The following PPP6R1 variants were observed in gnomAD, a reference collection of about 807,000 sequenced individuals.
The protein encoded by PPP6R1 is serine/threonine-protein phosphatase 6 regulatory subunit 1.
A neutral mutation model predicts 104.6 loss-of-function variants in PPP6R1; 39 were observed. That is an observed-to-expected ratio of 0.37 (90% CI 0.29 to 0.49). The LOEUF (loss-of-function observed/expected upper bound fraction) is 0.49. Ranked by LOEUF, PPP6R1 falls within the 20% of genes least tolerant of loss-of-function variation. The probability of loss-of-function intolerance (pLI) is 0.98; values close to 1 mark genes in which losing one functional copy is unlikely to be tolerated. For synonymous variants in PPP6R1, 549 were observed against 479.0 expected (o/e 1.15, Z -1.91); for missense variants, 1,181 against 1,155.8 (o/e 1.02, Z -0.32).
At chr19:55,243,310 G>A (rs1348521249) in intron 5 of PPP6R1, among the ~76,000 whole-genome samples, 1 of 151,718 alleles carries the variant, frequency 6.6e-6, no homozygotes, top group Non-Finnish European at 1.5e-5. Flanking sequence ...CTACTCGGGA[G>A]GCTGAGGCAG....
At chr19:55,256,608 G>A (rs568190830) in intron 1 of PPP6R1, among the ~76,000 whole-genome samples, 1 of 152,346 alleles carries the variant, frequency 6.6e-6, no homozygotes, top group East Asian at 1.9e-4. Flanking sequence ...CCACGAGTTT[G>A]AAATCAGCCT....
At position 55,245,274 on chromosome 19, in the gene PPP6R1, A is replaced by G. The variant is rs2122663489; in HGVS notation, c.543T>C (p.Asp181=). ...AGCCGGCCCTGCTCACATTGACAAC[A>G]TCCTGCCTCAGCTGAGGCCGCTCCA... is the stretch of plus-strand genomic sequence containing the variant. The part of the protein sequence containing the change: ...TCVERPQLRQ[D]VVNWLNEEKI... Residue 181 remains aspartate, a synonymous_variant, in exon 4 of 24, where the codon GAT becomes GAC. Coordinates refer to ENST00000412770, the MANE Select transcript of PPP6R1 (RefSeq NM_014931.4). The surrounding 1 kb of genome is among the most constrained non-coding windows in gnomAD (Gnocchi z 6.4). The G allele has an allele frequency of 2.5e-6, 4 of 1,597,592 alleles. No homozygotes were observed. The highest frequency in any genetic ancestry group is 1.1e-5 in the South Asian group (1 of 89,012).
chr19:55,231,241 A>T (rs74609066), intron 21 of PPP6R1, among the ~76,000 whole-genome samples, 169 bp downstream of exon 21: 3,898 of 152,264 alleles, frequency 0.026, 100 homozygotes, highest in African/African-American at 0.062. Context: ...TACTAAGAGA[A>T]GAACCAGCCT....
Position 55,245,018 on chromosome 19 carries a change from G to GT in PPP6R1, c.618+101dup. On this transcript the variant is annotated intron_variant, in intron 5 of 23. Coordinates refer to ENST00000412770, the MANE Select transcript of PPP6R1 (RefSeq NM_014931.4). This position sits in a 1 kb window ranked among gnomAD's most constrained non-coding sequence, Gnocchi z 6.4. ...CTCCCAAAGTGCTGGAATTACAGGC[G>GT]TGAGCCACTGCGTCCAGCCCCAATT... The GT allele has an allele frequency of 5.3e-6, 8 of 1,501,054 alleles. No homozygotes were observed. The South Asian group carries it at 7.2e-5, about 14-fold the overall frequency. The allele number at this position is 1,501,054 out of a possible 1,614,324, so 93.0% of individuals were successfully genotyped here. A position where few individuals can be genotyped will look rare whatever the true frequency, so the allele number is the denominator to read the frequency against.
rs1312818511 is a variant in PPP6R1, at chr19:55,246,921, G to A, written c.183C>T (p.Val61=). Residue 61 remains valine, a synonymous_variant, in exon 2 of 24, where the codon GTC becomes GTT. Transcript: ENST00000412770. ...CACCGCTATCTGGCGGCTCCTGGGT[G>A]ACCCAGGCCACCATTGCTTGCAGGT... The part of the protein sequence containing the change: ...PPHLQAMVAW[V]TQEPPDSGEE... 6.2e-7 allele frequency: 1 copy of A among 1,613,324 alleles called. No individual in the cohort carries two copies. Among genetic ancestry groups the A allele is most frequent in the Admixed American group, 1.7e-5 (1 of 59,972 alleles).
Position 55,241,548 on chromosome 19 carries a change from T to C in PPP6R1, c.937A>G (p.Ser313Gly), listed in dbSNP as rs2087457861. The change falls in exon 8 of 24, where the codon AGT (serine) becomes GGT (glycine). Residue 313 changes from serine to glycine, a missense_variant. Physicochemically the swap from Ser to Gly is moderately conservative, Grantham distance 56. This residue lies in a region of PPP6R1 where 1,042 missense variants were observed against 955.6 expected (regional missense o/e 1.09). Transcript: ENST00000412770. The surrounding 1 kb of genome is among the most constrained non-coding windows in gnomAD (Gnocchi z 5.4). Reference sequence around the variant, plus strand: ...CGTAGGGCGTGCAAGGCGCCCACACTGGACACAGTGCTTTCCAGGGCCCCC... The same window carrying C: ...CGTAGGGCGTGCAAGGCGCCCACACCGGACACAGTGCTTTCCAGGGCCCCC... Reference protein sequence around the residue: ...AQGALESTVSSVGALHALRPR... With the variant: ...AQGALESTVSGVGALHALRPR... 6.3e-7 allele frequency: 1 copy of C among 1,579,920 alleles called. No homozygotes were observed. Among genetic ancestry groups the C allele is most frequent in the Non-Finnish European group, 8.6e-7 (1 of 1,164,188 alleles).
intron 1 of PPP6R1, chr19:55,255,727 G>A (rs1647263061): frequency 6.6e-6 from 1 of 152,640 alleles, no homozygotes; most frequent in African/African-American, 2.4e-5. Context: ...CCCTCAGCCG[G>A]GGCTGGGCTG....
chr19:55,230,041 CTGGG>C lies in PPP6R1; in HGVS notation c.*483_*486del. 6.4e-6 allele frequency: 1 copy of C among 157,386 alleles called. No individual in the cohort carries two copies. The highest frequency in any genetic ancestry group is 6.2e-5 in the Admixed American group (1 of 16,130). 9.7% of individuals were successfully genotyped at this position (157,386 alleles called of 1,614,324 possible). Reference sequence around the variant, plus strand: ...GGACCCTCTGGCACCCCCACCCACGCTGGGCCGTCCCCCATGGTGGACCTGAGCT... The same window carrying C: ...GGACCCTCTGGCACCCCCACCCACGCCCGTCCCCCATGGTGGACCTGAGCT... On this transcript the variant is annotated 3_prime_UTR_variant, in exon 24 of 24. Transcript: ENST00000412770.
chr19:55,241,394 G>A lies in PPP6R1; in HGVS notation c.1009-3C>T, dbSNP rs748667540. 119 of 1,605,904 alleles carry A rather than the reference G, an allele frequency of 7.4e-5. No individual in the cohort carries two copies. The highest frequency in any genetic ancestry group is 1.7e-4 in the Middle Eastern group (1 of 6,040). On this transcript the variant is annotated splice_polypyrimidine_tract_variant and splice_region_variant and intron_variant, in intron 8 of 23. Transcript: ENST00000412770. This position sits in a 1 kb window ranked among gnomAD's most constrained non-coding sequence, Gnocchi z 5.4. ...CATGTCATCTGTAGCGGCTCCAGCT[G>A]CAGACACAGGGAGGCCTGATTCCCA... is the stretch of plus-strand genomic sequence containing the variant.
chr19:55,240,318 A>G lies in PPP6R1; in HGVS notation c.1297-18T>C. On this transcript the variant is annotated intron_variant, in intron 10 of 23. Transcript: ENST00000412770. ...TGCAGCAGCTGCGGGAGAGCGGGACAGGATGGCCTGGAGGGGTGGTCTGCA... is the reference window on the plus strand; with the variant it reads ...TGCAGCAGCTGCGGGAGAGCGGGACGGGATGGCCTGGAGGGGTGGTCTGCA... 6.3e-7 allele frequency: 1 copy of G among 1,579,640 alleles called. No homozygotes were observed. Among genetic ancestry groups the G allele is most frequent in the Non-Finnish European group, 8.6e-7 (1 of 1,163,754 alleles).
chr19:55,257,917 C>T (rs1307283096), intron 1 of PPP6R1, among the ~76,000 whole-genome samples: 2 of 152,190 alleles, frequency 1.3e-5, no homozygotes, highest in African/African-American at 2.4e-5. Flanking sequence ...CCAGGTCCCT[C>T]GCACAAGAAG....
At chr19:55,238,865 C>A (rs1468663397) in intron 15 of PPP6R1, 5 of 160,128 alleles carry the variant, frequency 3.1e-5, no homozygotes, top group African/African-American at 9.6e-5. Context: ...GATCATAACA[C>A]CCAGAGGTGA....
intron 1 of PPP6R1, among the ~76,000 whole-genome samples, chr19:55,248,969 C>T (rs2087532340): frequency 6.6e-6 from 1 of 152,234 alleles, no homozygotes; most frequent in African/African-American, 2.4e-5. Flanking sequence ...GCAGTCCAGA[C>T]CTTGCTCCCA....
At chr19:55,242,868 G>T (rs2087471173) in intron 5 of PPP6R1, among the ~76,000 whole-genome samples, 1 of 152,188 alleles carries the variant, frequency 6.6e-6, no homozygotes, top group Non-Finnish European at 1.5e-5. Flanking sequence ...GCAACCACAT[G>T]AATGAGCCAC....
At chr19:55,231,258 T>G (rs140039448) in intron 21 of PPP6R1, among the ~76,000 whole-genome samples, 152 bp downstream of exon 21, 2 of 152,056 alleles carry the variant, frequency 1.3e-5, no homozygotes, top group East Asian at 3.9e-4. Context: ...GCCTACAGAG[T>G]GCAAGGGGCT....
intron 1 of PPP6R1, among the ~76,000 whole-genome samples, chr19:55,247,669 TC>T (rs1568950021): frequency 6.6e-6 from 1 of 151,928 alleles, no homozygotes; most frequent in African/African-American, 2.4e-5. Flanking sequence ...GCCCAGCAAA[TC>T]CCCCAAGGCT....
rs542198477 is a variant in PPP6R1 at position 55,247,007 on chromosome 19, C to A, written c.97G>T (p.Val33Leu). Residue 33 changes from valine (V) to leucine (L), a missense_variant, in exon 2 of 24, where the codon GTG becomes TTG. Around this residue, in one of 2 missense-constraint regions of PPP6R1, gnomAD observed 139 missense variants for 200.1 expected, o/e 0.69. Transcript: ENST00000412770. Reference sequence around the variant, plus strand: ...TTGACGACCTTGCACTCCTGCAGCACGTCTTCCTCGTCCAGCAGCTCGGGC... The same window carrying A: ...TTGACGACCTTGCACTCCTGCAGCAAGTCTTCCTCGTCCAGCAGCTCGGGC... ...SLPELLDEED[V>L]LQECKVVNRK... The A allele has an allele frequency of 1.9e-6, 3 of 1,613,900 alleles. No individual in the cohort carries two copies. The highest frequency in any genetic ancestry group is 3.3e-5 in the Admixed American group (2 of 60,028).
intron 1 of PPP6R1, among the ~76,000 whole-genome samples, chr19:55,250,726 C>T (rs1408145100): frequency 6.6e-6 from 1 of 151,952 alleles, no homozygotes; most frequent in Non-Finnish European, 1.5e-5. Flanking sequence ...CACCAGAAAT[C>T]TAGGGACTTA....
intron 1 of PPP6R1, among the ~76,000 whole-genome samples, chr19:55,254,178 AT>A (rs2122738023): frequency 6.6e-6 from 1 of 152,356 alleles, no homozygotes; most frequent in Admixed American, 6.5e-5. Flanking sequence ...GGCAGGCGCC[AT>A]GCACCCCGCC....
Sources: gnomAD v4.1 joint callset for allele counts (sites outside exome capture counted in the v4.1 genomes callset) on GRCh38, gnomAD v4.1.1 for gene constraint, gnomAD v4.1.1 regional missense constraint, Gnocchi (gnomAD v3.1) non-coding constraint, MANE v1.5 for transcripts, NCBI Gene and HGNC (gene_info 2026-07-23, HGNC 2026-07-21) for gene names.